Variants in CNDP1 observed in about 807,000 individuals in gnomAD.
CNDP1 encodes the protein carnosine dipeptidase 1.
Under a neutral mutation model 58.1 loss-of-function variants are expected in CNDP1, and 44 were observed. The observed-to-expected ratio is 0.76, with a 90% CI of 0.60 to 0.97. CNDP1 has a LOEUF of 0.97. CNDP1 is among the 50% of genes least tolerant of loss of function. The probability of loss-of-function intolerance (pLI) is 0.00; values close to 1 mark genes in which losing one functional copy is unlikely to be tolerated. For synonymous variants in CNDP1, 254 were observed against 252.6 expected (o/e 1.01, Z -0.05); for missense variants, 616 against 655.1 (o/e 0.94, Z 0.65).
intron 1 of CNDP1, among the ~76,000 whole-genome samples, chr18:74,552,019 T>G (rs919348301): frequency 6.6e-6 from 1 of 151,370 alleles, no homozygotes; most frequent in African/African-American, 2.4e-5. Context: ...GCCAGAGGAG[T>G]CTCTCCCACT....
At chr18:74,551,738 A>T (rs1384387908) in intron 1 of CNDP1, among the ~76,000 whole-genome samples, 2 of 152,140 alleles carry the variant, frequency 1.3e-5, no homozygotes, top group African/African-American at 4.8e-5. Context: ...ATTCTCTCCT[A>T]ACAACAATCA....
chr18:74,551,917 A>C (rs1433539306), intron 1 of CNDP1, among the ~76,000 whole-genome samples: 2 of 151,712 alleles, frequency 1.3e-5, no homozygotes, highest in African/African-American at 4.8e-5. Flanking sequence ...GCGAAAAAAA[A>C]AAACAAAAAA....
At chr18:74,571,900 T>C (rs1981488697) in intron 7 of CNDP1, among the ~76,000 whole-genome samples, 1 of 152,170 alleles carries the variant, frequency 6.6e-6, no homozygotes, top group Non-Finnish European at 1.5e-5. Flanking sequence ...GGTAAGTTAC[T>C]TGAGTTCTCT....
At chr18:74,568,497 G>A (rs1460301506) in intron 6 of CNDP1, among the ~76,000 whole-genome samples, 1 of 152,124 alleles carries the variant, frequency 6.6e-6, no homozygotes, top group Non-Finnish European at 1.5e-5. Flanking sequence ...GATGGCTAGA[G>A]GAAGCCCTTG....
chr18:74,565,337 C>T (rs1391782109), intron 5 of CNDP1, among the ~76,000 whole-genome samples: 1 of 152,142 alleles, frequency 6.6e-6, no homozygotes, highest in Non-Finnish European at 1.5e-5. Flanking sequence ...CCATAATTTC[C>T]CAATAGTCCC....
At position 74,571,181 on chromosome 18, in the gene CNDP1, T is replaced by C; in HGVS notation, c.757-5T>C. ...TATATCTCTTACCTTTTATCTACTCTGCAGGTGAAATGCAGAGACCAGGAT... is the reference window on the plus strand; with the variant it reads ...TATATCTCTTACCTTTTATCTACTCCGCAGGTGAAATGCAGAGACCAGGAT... On this transcript the variant is annotated splice_region_variant and splice_polypyrimidine_tract_variant and intron_variant, in intron 6 of 11. Transcript: ENST00000358821. 6.2e-7 allele frequency: 1 copy of C among 1,600,022 alleles called. No homozygotes were observed. Among genetic ancestry groups the C allele is most frequent in the Non-Finnish European group, 8.6e-7 (1 of 1,167,306 alleles).
Position 74,556,575 on chromosome 18 carries a change from C to T in CNDP1, c.153+109C>T, listed in dbSNP as rs2144652658. The T allele has an allele frequency of 2.4e-6, 3 of 1,268,056 alleles. No homozygotes were observed. The East Asian group carries it at 7.0e-5, about 29-fold the overall frequency. 78.6% of individuals were successfully genotyped at this position (1,268,056 alleles called of 1,614,324 possible). The stretch of plus-strand genomic sequence containing the variant: ...AGATGTGGATTTTTTTGCCTAATTC[C>T]ATTTAAAATGCCTATGACTGCTCAT... On this transcript the variant is annotated intron_variant, in intron 2 of 11. Transcript: ENST00000358821.
chr18:74,553,882 T>C (rs1980970780), intron 1 of CNDP1, among the ~76,000 whole-genome samples: 1 of 152,186 alleles, frequency 6.6e-6, no homozygotes, highest in African/African-American at 2.4e-5. Flanking sequence ...CACCCCATGA[T>C]GGGACATGGT....
rs1980636192 is a variant in CNDP1, at chr18:74,541,958, A to G, written c.24+7267A>G. Among the ~76,000 whole-genome samples, 3 of 152,192 alleles carry G rather than the reference A, an allele frequency of 2.0e-5. No homozygotes were observed. In the South Asian group the frequency reaches 6.2e-4, roughly 31 times the overall value. On this transcript the variant is annotated intron_variant, in intron 1 of 11. Coordinates refer to ENST00000358821, the MANE Select transcript of CNDP1 (RefSeq NM_032649.6). ...GGGGCGCATTGTGAAAGGGAGAGAA[A>G]CAGTGCTAAGACAAGGCACGCACAG...
At chr18:74,578,383 C>T (rs374725120) in intron 9 of CNDP1, 56 bp downstream of exon 9, 110 of 1,511,872 alleles carry the variant, frequency 7.3e-5, no homozygotes, top group East Asian at 1.8e-4. Flanking sequence ...TTCTGAATCC[C>T]GCACATCACG....
At chr18:74,551,540 G>C (rs1045524147) in intron 1 of CNDP1, among the ~76,000 whole-genome samples, 1 of 152,134 alleles carries the variant, frequency 6.6e-6, no homozygotes, top group African/African-American at 2.4e-5. Context: ...CTGCTCTGTG[G>C]GGAAAAGGGA....
At chr18:74,567,516 GAAGA>G in intron 6 of CNDP1, 83 bp downstream of exon 6, 1 of 1,265,064 alleles carries the variant, frequency 7.9e-7, no homozygotes, top group Non-Finnish European at 1.1e-6. Flanking sequence ...TCTTGGAGAG[GAAGA>G]AAGAAAGCTT....
intron 9 of CNDP1, among the ~76,000 whole-genome samples, chr18:74,579,138 G>A (rs1295089826): frequency 1.6e-5 from 2 of 125,414 alleles, no homozygotes; most frequent in African/African-American, 6.3e-5. Flanking sequence ...TTCCTTCCCT[G>A]CCTCTCTCCT....
chr18:74,554,550 T>G (rs1219329221), intron 1 of CNDP1, among the ~76,000 whole-genome samples: 1 of 152,138 alleles, frequency 6.6e-6, no homozygotes, highest in Non-Finnish European at 1.5e-5. Context: ...GTTTGGATGC[T>G]CCCCAGCTCA....
In CNDP1 at chr18:74,584,840, G is replaced by C; in HGVS notation, c.*278G>C. ...AGTCCTGTGCAATAGCCCCAGGATTGGATTCCTTCAAACCTTTTAGCATAT... is the reference window on the plus strand; with the variant it reads ...AGTCCTGTGCAATAGCCCCAGGATTCGATTCCTTCAAACCTTTTAGCATAT... On this transcript the variant is annotated 3_prime_UTR_variant, in exon 12 of 12. Transcript: ENST00000358821. The C allele has an allele frequency of 2.6e-6, 1 of 390,010 alleles. No homozygotes were observed. The highest frequency in any genetic ancestry group is 4.7e-6 in the Non-Finnish European group (1 of 214,790). 24.2% of individuals were successfully genotyped at this position (390,010 alleles called of 1,614,324 possible).
At chr18:74,556,243 G>A in intron 1 of CNDP1, 95 bp from the exon 2 acceptor site, 5 of 1,371,318 alleles carry the variant, frequency 3.6e-6, no homozygotes, top group Non-Finnish European at 5.0e-6. Context: ...AGGCAGCTGT[G>A]TGAGGTAACA....
At chr18:74,564,936 G>A (rs1010244959) in intron 5 of CNDP1, among the ~76,000 whole-genome samples, 5 of 152,164 alleles carry the variant, frequency 3.3e-5, no homozygotes, top group Non-Finnish European at 7.3e-5. Context: ...GTATTAGTCC[G>A]TTTTCATGCT....
rs146793210 is a variant in CNDP1, at chr18:74,553,564, A to T, written c.25-2774A>T. Among the ~76,000 whole-genome samples the T allele has an allele frequency of 1.6e-4, 25 of 152,326 alleles. No homozygotes were observed. In the East Asian group the frequency reaches 4.8e-3, roughly 29 times the overall value. ...CCGCACCCTCGATGAAAATCAGTTG[A>T]TCATAAATGTGAGGATTTATTTCTG... On this transcript the variant is annotated intron_variant, in intron 1 of 11. Transcript: ENST00000358821.
At chr18:74,578,602 G>A (rs538486936) in intron 9 of CNDP1, among the ~76,000 whole-genome samples, 4 of 152,234 alleles carry the variant, frequency 2.6e-5, no homozygotes, top group African/African-American at 7.2e-5. Flanking sequence ...ACTCCAGCCT[G>A]GGTGACAGAG....
Sources: allele counts gnomAD v4.1 joint callset (sites outside exome capture counted in the v4.1 genomes callset), GRCh38; gene constraint gnomAD v4.1.1; transcripts MANE v1.5; gene names NCBI Gene and HGNC (gene_info 2026-07-23, HGNC 2026-07-21).